The following RPL13A variants were observed in gnomAD, a reference collection of about 807,000 sequenced individuals.
RPL13A encodes the protein large ribosomal subunit protein uL13.
In RPL13A, 4 loss-of-function variants were observed where a neutral mutation model predicts 30.8. The observed-to-expected ratio is 0.13, with a 90% CI of 0.06 to 0.30. The LOEUF (loss-of-function observed/expected upper bound fraction) is 0.30. Among genes scored for constraint, RPL13A ranks in the 10% least tolerant of loss-of-function variants. The pLI is 1.00. For missense variants in RPL13A, 196 were observed against 272.6 expected (o/e 0.72, Z 1.98); for synonymous variants, 108 against 104.2 (o/e 1.04, Z -0.22).
At chr19:49,488,039 G>C (rs1488130899) in intron 1 of RPL13A, among the ~76,000 whole-genome samples, 1 of 152,128 alleles carries the variant, frequency 6.6e-6, no homozygotes, top group Admixed American at 6.5e-5. Context: ...GAGAAACTGA[G>C]TTTTGGCCAA....
chr19:49,490,772 C>A lies in RPL13A; in HGVS notation c.257-7C>A, dbSNP rs776469837. On this transcript the variant is annotated splice_polypyrimidine_tract_variant and splice_region_variant and intron_variant, in intron 4 of 7. Transcript: ENST00000391857. Reference sequence around the variant, plus strand: ...TCTGACTGGGCCTGCTATCTGTCACCCAACAGGTATGCTGCCCCACAAAAC... The same window carrying A: ...TCTGACTGGGCCTGCTATCTGTCACACAACAGGTATGCTGCCCCACAAAAC... 5.4e-5 allele frequency: 87 copies of A among 1,614,046 alleles called. No individual in the cohort carries two copies. Among genetic ancestry groups the A allele is most frequent in the Non-Finnish European group, 7.1e-5 (84 of 1,180,042 alleles).
At chr19:49,490,198 G>T (rs940494633) in intron 2 of RPL13A, 34 bp from the exon 3 acceptor site, 5 of 1,607,486 alleles carry the variant, frequency 3.1e-6, no homozygotes, top group South Asian at 1.1e-5. Context: ...ACCCTCAGGC[G>T]GCTCGGCCCT....
At chr19:49,487,747 C>A in intron 1 of RPL13A, 103 bp downstream of exon 1, 1 of 1,237,600 alleles carries the variant, frequency 8.1e-7, no homozygotes, top group Non-Finnish European at 1.1e-6. Flanking sequence ...AGCTTAACAT[C>A]CATAATGAAG....
chr19:49,489,083 G>C (rs775455528), intron 1 of RPL13A, among the ~76,000 whole-genome samples: 1 of 152,218 alleles, frequency 6.6e-6, no homozygotes, highest in African/African-American at 2.4e-5. Flanking sequence ...CTATAGCAGA[G>C]CTAGCATGGG....
chr19:49,489,176 A>G (rs941514444), intron 1 of RPL13A, among the ~76,000 whole-genome samples: 26 of 152,288 alleles, frequency 1.7e-4, no homozygotes, highest in Admixed American at 9.2e-4. Context: ...CATCCTATAC[A>G]TTAGAAGAGA....
Position 49,491,863 on chromosome 19 carries a change from A to G in RPL13A, c.*48A>G, listed in dbSNP as rs116432725. ...CTCATGCGTTGCCTGCCCTTCCTCC[A>G]TTGTTGCCCTGGAATGTACGGGACC... On this transcript the variant is annotated 3_prime_UTR_variant, in exon 8 of 8. Coordinates refer to ENST00000391857, the MANE Select transcript of RPL13A (RefSeq NM_012423.4). The G allele has an allele frequency of 5.1e-3, 7,440 of 1,456,084 alleles. 302 individuals are homozygous for G. The African/African-American group carries it at 0.087, about 17-fold the overall frequency. 90.2% of individuals were successfully genotyped at this position (1,456,084 alleles called of 1,614,324 possible). A position where few individuals can be genotyped will look rare whatever the true frequency, so the allele number is the denominator to read the frequency against.
Position 49,487,893 on chromosome 19 carries a change from T to G in RPL13A, c.15+249T>G, listed in dbSNP as rs28607177. On this transcript the variant is annotated intron_variant, in intron 1 of 7. Coordinates refer to ENST00000391857, the MANE Select transcript of RPL13A (RefSeq NM_012423.4). ...AGCTTCCAGCACAGGACAGGTATTT[T>G]GCAACTAGATTTTGCTTACCTTGAA... is the stretch of plus-strand genomic sequence containing the variant. Among the ~76,000 whole-genome samples, 438 of 152,270 alleles carry G rather than the reference T, an allele frequency of 2.9e-3. 2 individuals are homozygous for G. The highest frequency in any genetic ancestry group is 9.6e-3 in the African/African-American group (398 of 41,556).
chr19:49,491,572 G>T (rs139958890), intron 7 of RPL13A, 25 bp downstream of exon 7: 6 of 1,554,164 alleles, frequency 3.9e-6, no homozygotes, highest in East Asian at 2.4e-5. Flanking sequence ...TGGTGCTGAG[G>T]GGGGCATCTC....
chr19:49,488,569 G>T (rs2079832582), intron 1 of RPL13A, among the ~76,000 whole-genome samples: 1 of 152,222 alleles, frequency 6.6e-6, no homozygotes, highest in Non-Finnish European at 1.5e-5. Flanking sequence ...AATTAAATTG[G>T]AATTGGTGAT....
Position 49,491,796 on chromosome 19 carries a change from C to G in RPL13A, c.593C>G (p.Thr198Ser). Residue 198 changes from threonine to serine, a missense_variant, in exon 8 of 8, where the codon ACC (threonine) becomes AGC (serine). Physicochemically the swap from Thr to Ser is moderately conservative, Grantham distance 58. Transcript: ENST00000391857. Reference sequence around the variant, plus strand: ...GACAAATACACAGAGGTCCTCAAGACCCACGGACTCCTGGTCTGAGCCCAA... The same window carrying G: ...GACAAATACACAGAGGTCCTCAAGAGCCACGGACTCCTGGTCTGAGCCCAA... ...KIDKYTEVLK[T>S]HGLLV 2.5e-6 allele frequency: 4 copies of G among 1,609,546 alleles called. No homozygotes were observed. Among genetic ancestry groups the G allele is most frequent in the Non-Finnish European group, 2.5e-6 (3 of 1,177,906 alleles).
At chr19:49,490,162 A>G in intron 2 of RPL13A, 70 bp from the exon 3 acceptor site, 1 of 1,419,046 alleles carries the variant, frequency 7.0e-7, no homozygotes, top group South Asian at 1.1e-5. Flanking sequence ...CTGTGTCTGG[A>G]GGGTGACTGC....
In RPL13A at chr19:49,490,761, C is replaced by A; in HGVS notation, c.257-18C>A. 2 of 1,612,940 alleles carry A rather than the reference C, an allele frequency of 1.2e-6. No individual in the cohort carries two copies. Among genetic ancestry groups the A allele is most frequent in the African/African-American group, 2.7e-5 (2 of 75,042 alleles). ...TTATGAGGCCCTCTGACTGGGCCTG[C>A]TATCTGTCACCCAACAGGTATGCTG... On this transcript the variant is annotated intron_variant, in intron 4 of 7. Coordinates refer to ENST00000391857, the MANE Select transcript of RPL13A (RefSeq NM_012423.4).
intron 6 of RPL13A, 52 bp from the exon 7 acceptor site, chr19:49,491,373 C>CTTAGA: frequency 8.0e-7 from 1 of 1,243,442 alleles, no homozygotes; most frequent in African/African-American, 1.6e-5. Context: ...GGTGTGGGGG[C>CTTAGA]TTAGATATCC....
chr19:49,487,883 A>C (rs953655986), intron 1 of RPL13A, among the ~76,000 whole-genome samples: 3 of 152,118 alleles, frequency 2.0e-5, no homozygotes, highest in African/African-American at 4.8e-5. Context: ...CCAGCACAGG[A>C]CAGGTATTTT....
Position 49,491,416 on chromosome 19 carries a change from C to A in RPL13A, c.403-9C>A, listed in dbSNP as rs746479492. On this transcript the variant is annotated splice_polypyrimidine_tract_variant and intron_variant, in intron 6 of 7. Coordinates refer to ENST00000391857, the MANE Select transcript of RPL13A (RefSeq NM_012423.4). Reference sequence around the variant, plus strand: ...TTCATTTGTTCACCCCCCCCCCCCCCCCCCGCAGTTTGCCTATCTGGGGCG... The same window carrying A: ...TTCATTTGTTCACCCCCCCCCCCCCACCCCGCAGTTTGCCTATCTGGGGCG... 2.2e-5 allele frequency: 23 copies of A among 1,066,216 alleles called. 1 individual carries two copies. Among genetic ancestry groups the A allele is most frequent in the Admixed American group, 9.3e-5 (4 of 43,210 alleles). 66.0% of individuals were successfully genotyped at this position (1,066,216 alleles called of 1,614,324 possible). A position where few individuals can be genotyped will look rare whatever the true frequency, so the allele number is the denominator to read the frequency against.
chr19:49,491,520 C>A lies in RPL13A; in HGVS notation c.498C>A (p.Ile166=), dbSNP rs556703618. 13 of 1,479,634 alleles carry A rather than the reference C, an allele frequency of 8.8e-6. No individual in the cohort carries two copies. Among genetic ancestry groups the A allele is most frequent in the Non-Finnish European group, 1.2e-5 (13 of 1,110,030 alleles). 91.7% of individuals were successfully genotyped at this position (1,479,634 alleles called of 1,614,324 possible). ...LEEKRKEKAK[I]HYRKKKQLMR... is the part of the protein sequence containing the mutation. ...AGAAGAGGAAAGAGAAAGCCAAGAT[C>A]CACTACCGGAAGAAGAAACAGCTCA... Residue 166 remains isoleucine (I), a synonymous_variant, in exon 7 of 8, where the codon ATC becomes ATA. Transcript: ENST00000391857.
intron 1 of RPL13A, among the ~76,000 whole-genome samples, chr19:49,488,115 G>A (rs573910507): frequency 1.3e-5 from 2 of 152,290 alleles, no homozygotes; most frequent in South Asian, 4.1e-4. Context: ...GGTGTTAATC[G>A]GGGTCCCCTG....
Position 49,491,819 on chromosome 19 carries a change from C to T in RPL13A, c.*4C>T. Reference sequence around the variant, plus strand: ...GACCCACGGACTCCTGGTCTGAGCCCAATAAAGACTGTTAATTCCTCATGC... The same window carrying T: ...GACCCACGGACTCCTGGTCTGAGCCTAATAAAGACTGTTAATTCCTCATGC... On this transcript the variant is annotated 3_prime_UTR_variant, in exon 8 of 8. Transcript: ENST00000391857. 1 of 1,596,824 alleles carries T rather than the reference C, an allele frequency of 6.3e-7. No homozygotes were observed. Among genetic ancestry groups the T allele is most frequent in the South Asian group, 1.1e-5 (1 of 89,980 alleles).
chr19:49,489,694 A>G (rs1335103631), intron 1 of RPL13A, among the ~76,000 whole-genome samples, 156 bp from the exon 2 acceptor site: 1 of 152,218 alleles, frequency 6.6e-6, no homozygotes, highest in African/African-American at 2.4e-5. Flanking sequence ...CCTGTTCCTC[A>G]TCTGTAGAAC....
Sources: allele counts gnomAD v4.1 joint callset (sites outside exome capture counted in the v4.1 genomes callset), GRCh38; gene constraint gnomAD v4.1.1; transcripts MANE v1.5; gene names NCBI Gene and HGNC (gene_info 2026-07-23, HGNC 2026-07-21).